Variants in UPP2 observed in about 807,000 individuals in gnomAD.
UPP2 encodes the protein uridine phosphorylase 2.
Under a neutral mutation model 26.7 loss-of-function variants are expected in UPP2, and 23 were observed. The ratio of observed to expected loss-of-function variants is 0.86; its 90% confidence interval spans 0.62 to 1.22. UPP2 has a LOEUF of 1.22. Ranked by LOEUF, UPP2 falls within the 50% of genes most tolerant of loss-of-function variation. The pLI is 0.00. For synonymous variants in UPP2, 127 were observed against 141.3 expected (o/e 0.90, Z 0.72); for missense variants, 387 against 396.7 (o/e 0.98, Z 0.21).
intron 2 of UPP2, among the ~76,000 whole-genome samples, chr2:158,005,706 A>T (rs1444820866): frequency 6.6e-6 from 1 of 152,210 alleles, no homozygotes; most frequent in Admixed American, 6.5e-5. Flanking sequence ...ATTTAATAAA[A>T]ACTTTACTAA....
chr2:158,034,162 A>G (rs1234866119), intron 3 of UPP2, among the ~76,000 whole-genome samples: 1 of 151,884 alleles, frequency 6.6e-6, no homozygotes, highest in Non-Finnish European at 1.5e-5. Flanking sequence ...ATGAATTCCA[A>G]CCTTCCACCT....
At chr2:158,123,399 T>C (rs912211000) in intron 5 of UPP2, among the ~76,000 whole-genome samples, 4 of 152,084 alleles carry the variant, frequency 2.6e-5, no homozygotes, top group Non-Finnish European at 5.9e-5. Flanking sequence ...TCCCCAGTCA[T>C]TGGAGCAACC....
chr2:158,063,774 G>A (rs771294913), intron 3 of UPP2, among the ~76,000 whole-genome samples: 3 of 152,092 alleles, frequency 2.0e-5, no homozygotes, highest in African/African-American at 7.2e-5. Context: ...AGGTCTTGGC[G>A]TGTGATGTTC....
intron 3 of UPP2, among the ~76,000 whole-genome samples, chr2:158,074,008 C>T (rs1471041353): frequency 6.6e-6 from 1 of 152,068 alleles, no homozygotes; most frequent in Non-Finnish European, 1.5e-5. Context: ...GACCTTGTCT[C>T]TCCAAATTTT....
chr2:158,085,711 AG>A (rs1289520593), intron 3 of UPP2, among the ~76,000 whole-genome samples: 7 of 152,266 alleles, frequency 4.6e-5, no homozygotes, highest in African/African-American at 1.2e-4. Context: ...TTAATCATAA[AG>A]GGATGCTGGA....
intron 3 of UPP2, among the ~76,000 whole-genome samples, chr2:158,038,154 C>A (rs1684031643): frequency 6.6e-6 from 1 of 152,224 alleles, no homozygotes; most frequent in South Asian, 2.1e-4. Flanking sequence ...GTTTAAGAAT[C>A]TCAGCACACA....
At chr2:158,048,907 C>G (rs1397416124) in intron 3 of UPP2, among the ~76,000 whole-genome samples, 1 of 152,144 alleles carries the variant, frequency 6.6e-6, no homozygotes, top group Non-Finnish European at 1.5e-5. Context: ...GCCCTTCTGC[C>G]TGCAAAGCAG....
intron 3 of UPP2, among the ~76,000 whole-genome samples, chr2:158,021,505 A>G (rs970934217): frequency 3.3e-5 from 5 of 152,248 alleles, no homozygotes; most frequent in African/African-American, 1.2e-4. Context: ...GGAGGAGAAC[A>G]AAACACAGCA....
At chr2:158,028,316 T>C (rs993445020) in intron 3 of UPP2, among the ~76,000 whole-genome samples, 5 of 152,154 alleles carry the variant, frequency 3.3e-5, no homozygotes, top group African/African-American at 1.2e-4. Flanking sequence ...CTAAATCATC[T>C]CTCTCAAGTT....
chr2:158,071,935 G>A (rs554171470), intron 3 of UPP2, among the ~76,000 whole-genome samples: 1 of 152,182 alleles, frequency 6.6e-6, no homozygotes, highest in East Asian at 1.9e-4. Context: ...CCTTCTGCTT[G>A]AGAAAAGCAG....
At chr2:158,020,008 CT>C (rs745828608) in intron 3 of UPP2, among the ~76,000 whole-genome samples, 24 of 152,312 alleles carry the variant, frequency 1.6e-4, no homozygotes, top group Middle Eastern at 6.8e-3. Context: ...CAAAATCTGT[CT>C]CTTTATACCT....
chr2:158,044,113 T>C (rs76374780), intron 3 of UPP2, among the ~76,000 whole-genome samples: 2,495 of 152,254 alleles, frequency 0.016, 77 homozygotes, highest in African/African-American at 0.057. Flanking sequence ...AACTAACAGC[T>C]CAGAGTAAAG....
chr2:158,076,519 C>T (rs1080178), intron 3 of UPP2, among the ~76,000 whole-genome samples: 111,952 of 151,970 alleles, frequency 0.74, 42,042 homozygotes, highest in African/African-American at 0.87. Context: ...GTTCAACATA[C>T]GCAAATCAGT....
intron 3 of UPP2, among the ~76,000 whole-genome samples, chr2:158,033,729 C>A (rs891186668): frequency 1.3e-5 from 2 of 152,196 alleles, no homozygotes; most frequent in African/African-American, 4.8e-5. Context: ...CAAGTAGTTT[C>A]TGTTATTAGC....
chr2:158,110,188 T>A (rs1417828336), intron 2 of UPP2, among the ~76,000 whole-genome samples: 1 of 152,274 alleles, frequency 6.6e-6, no homozygotes, highest in Admixed American at 6.5e-5. Flanking sequence ...GAGTGTGTGA[T>A]GTTCCCCTTC....
upstream of UPP2, among the ~76,000 whole-genome samples, chr2:158,097,098 GA>G (rs946308039): frequency 2.0e-5 from 3 of 151,732 alleles, no homozygotes; most frequent in Non-Finnish European, 4.4e-5. Context: ...ATATGAACCA[GA>G]AAAAAATAAA....
chr2:158,050,447 T>C (rs1682133716), intron 3 of UPP2, among the ~76,000 whole-genome samples: 1 of 152,078 alleles, frequency 6.6e-6, no homozygotes, highest in African/African-American at 2.4e-5. Flanking sequence ...AGGTAAGAGA[T>C]GAAAAATTGC....
chr2:158,060,494 T>C (rs187396841), intron 3 of UPP2, among the ~76,000 whole-genome samples: 1 of 152,312 alleles, frequency 6.6e-6, no homozygotes, highest in East Asian at 1.9e-4. Flanking sequence ...CAACTTGATA[T>C]TCCTTTCTCA....
intron 3 of UPP2, among the ~76,000 whole-genome samples, chr2:158,064,441 T>G (rs868827874): frequency 0.02 from 2,983 of 149,590 alleles, 104 homozygotes; most frequent in African/African-American, 0.071. Context: ...TTTTGATGGT[T>G]TTTTTTTTTC....
Sources: gnomAD v4.1 joint callset for allele counts (sites outside exome capture counted in the v4.1 genomes callset) on GRCh38, gnomAD v4.1.1 for gene constraint, MANE v1.5 for transcripts, NCBI Gene and HGNC (gene_info 2026-07-23, HGNC 2026-07-21) for gene names.